Variants in AGAP1 observed in about 807,000 individuals in gnomAD.
AGAP1 encodes arf-GAP with GTPase, ANK repeat and PH domain-containing protein 1.
Under a neutral mutation model 105.3 loss-of-function variants are expected in AGAP1, and 29 were observed. The observed-to-expected ratio is 0.28, with a 90% CI of 0.21 to 0.38. The LOEUF is 0.38. Among genes scored for constraint, AGAP1 ranks in the 10% least tolerant of loss-of-function variants. AGAP1 has a pLI of 1.00. For missense variants in AGAP1, 998 were observed against 1,165.1 expected (o/e 0.86, Z 2.09); for synonymous variants, 509 against 485.9 (o/e 1.05, Z -0.63).
intron 1 of AGAP1, among the ~76,000 whole-genome samples, chr2:235,693,813 A>G (rs1949860895): frequency 6.6e-6 from 1 of 152,228 alleles, no homozygotes; most frequent in African/African-American, 2.4e-5. Context: ...AAAAATCAGA[A>G]ATAAACTTGA....
intron 9 of AGAP1, among the ~76,000 whole-genome samples, chr2:235,827,703 C>G (rs930809224): frequency 6.6e-6 from 1 of 152,198 alleles, no homozygotes; most frequent in Non-Finnish European, 1.5e-5. Flanking sequence ...TCGTCACCGG[C>G]ATTGAACTAC....
chr2:235,530,102 C>T (rs769050784), intron 1 of AGAP1, among the ~76,000 whole-genome samples: 7 of 152,134 alleles, frequency 4.6e-5, no homozygotes, highest in Non-Finnish European at 8.8e-5. Context: ...TGACAAGTCT[C>T]GTACCTCTGA....
Position 236,123,318 on chromosome 2 carries a change from T to G in AGAP1, c.2371-601T>G, listed in dbSNP as rs2059944009. Among the ~76,000 whole-genome samples, 1 of 152,224 alleles carries G rather than the reference T, an allele frequency of 6.6e-6. No homozygotes were observed. The highest frequency in any genetic ancestry group is 6.5e-5 in the Admixed American group (1 of 15,280). On this transcript the variant is annotated intron_variant, in intron 17 of 17. Transcript: ENST00000304032. This position sits in a 1 kb window ranked among gnomAD's most constrained non-coding sequence, Gnocchi z 4.6. ...CTAGTCTTGAACTCCTGGGCTGAAG[T>G]GAACCACCGCACCCAGCTTGTGTTG...
At chr2:235,853,520 A>G (rs1030700260) in intron 9 of AGAP1, among the ~76,000 whole-genome samples, 1 of 152,152 alleles carries the variant, frequency 6.6e-6, no homozygotes, top group East Asian at 1.9e-4. Flanking sequence ...TAATAGATAG[A>G]TTAAATGGAA....
intron 9 of AGAP1, among the ~76,000 whole-genome samples, chr2:235,858,082 A>C (rs1459936878): frequency 1.3e-5 from 2 of 152,236 alleles, no homozygotes; most frequent in Admixed American, 6.5e-5. Flanking sequence ...TAAAATCTCT[A>C]ACTTTGTATA....
At position 236,123,963 on chromosome 2, in the gene AGAP1, T is replaced by C. The variant is rs11895915; in HGVS notation, c.2415T>C (p.Ala805=). ...VTARDAHGNT[A]LAYARQASSQ... ...CCCGAGATGCCCACGGGAACACAGC[T>C]CTGGCCTACGCCCGGCAGGCCTCCA... The change falls in exon 18 of 18, where the codon GCT becomes GCC. Residue 805 remains alanine, a synonymous_variant. Coordinates refer to ENST00000304032, the MANE Select transcript of AGAP1 (RefSeq NM_001037131.3). This position sits in a 1 kb window ranked among gnomAD's most constrained non-coding sequence, Gnocchi z 4.6. The C allele has an allele frequency of 1.2e-6, 2 of 1,613,166 alleles. No homozygotes were observed. The highest frequency in any genetic ancestry group is 1.1e-5 in the South Asian group (1 of 91,062).
chr2:235,821,571 T>A (rs969256819), intron 9 of AGAP1, among the ~76,000 whole-genome samples: 3 of 152,160 alleles, frequency 2.0e-5, no homozygotes, highest in Non-Finnish European at 2.9e-5. Context: ...TAATTTTAGA[T>A]TTGAAAGAAA....
chr2:235,841,840 G>T (rs1027200808), intron 9 of AGAP1, among the ~76,000 whole-genome samples: 7 of 152,016 alleles, frequency 4.6e-5, no homozygotes, highest in African/African-American at 1.7e-4. Flanking sequence ...CTGCCTATAG[G>T]CTCATCCAGG....
rs2149566192 is a variant in AGAP1, at chr2:235,721,547, C to T, written c.310+3903C>T. Among the ~76,000 whole-genome samples the T allele has an allele frequency of 6.6e-6, 1 of 152,108 alleles. No homozygotes were observed. Among genetic ancestry groups the T allele is most frequent in the East Asian group, 1.9e-4 (1 of 5,160 alleles). Reference sequence around the variant, plus strand: ...ATATGTATGTGTACTTCAGTCCTAGCACTGTAGTAACGAACTGCCACACAC... The same window carrying T: ...ATATGTATGTGTACTTCAGTCCTAGTACTGTAGTAACGAACTGCCACACAC... On this transcript the variant is annotated intron_variant, in intron 3 of 17. Coordinates refer to ENST00000304032, the MANE Select transcript of AGAP1 (RefSeq NM_001037131.3). The surrounding 1 kb of genome is among the most constrained non-coding windows in gnomAD (Gnocchi z 4.5).
At chr2:235,885,342 C>T (rs1039625647) in intron 10 of AGAP1, among the ~76,000 whole-genome samples, 7 of 152,106 alleles carry the variant, frequency 4.6e-5, no homozygotes, top group Non-Finnish European at 7.3e-5. Context: ...TCATTGATCC[C>T]ACGGTATCTG....
At chr2:236,049,015 A>C (rs372209507) in intron 15 of AGAP1, 44 bp from the exon 16 acceptor site, 1 of 1,549,824 alleles carries the variant, frequency 6.5e-7, no homozygotes. Context: ...GGAATGATGC[A>C]TGATGGTCTG....
chr2:235,645,271 TTAACTC>T (rs1463899236), intron 1 of AGAP1, among the ~76,000 whole-genome samples: 3 of 152,190 alleles, frequency 2.0e-5, no homozygotes, highest in Non-Finnish European at 4.4e-5. Context: ...TGAAAACTAA[TTAACTC>T]TACATAAAAC....
chr2:236,031,241 C>T (rs1255967766), intron 13 of AGAP1, among the ~76,000 whole-genome samples: 2 of 152,110 alleles, frequency 1.3e-5, no homozygotes, highest in African/African-American at 4.8e-5. Context: ...GAAGGAGGAA[C>T]ATTAACTAAA....
chr2:235,973,692 G>T lies in AGAP1; in HGVS notation c.1645+5069G>T, dbSNP rs2054745773. Among the ~76,000 whole-genome samples, 1 of 152,198 alleles carries T rather than the reference G, an allele frequency of 6.6e-6. No homozygotes were observed. The highest frequency in any genetic ancestry group is 1.5e-5 in the Non-Finnish European group (1 of 68,024). ...TAACCATGGGACCTGATGGGTGGAA[G>T]CCTCAAGGAGGTGGATTTTGATTCT... On this transcript the variant is annotated intron_variant, in intron 13 of 17. Coordinates refer to ENST00000304032, the MANE Select transcript of AGAP1 (RefSeq NM_001037131.3). This position sits in a 1 kb window ranked among gnomAD's most constrained non-coding sequence, Gnocchi z 4.7.
At chr2:235,853,461 G>C (rs557109180) in intron 9 of AGAP1, among the ~76,000 whole-genome samples, 5 of 152,234 alleles carry the variant, frequency 3.3e-5, no homozygotes, top group Non-Finnish European at 7.3e-5. Flanking sequence ...GGATGCGGCA[G>C]ATAGGAAGAT....
chr2:235,632,121 T>C (rs1946847782), intron 1 of AGAP1, among the ~76,000 whole-genome samples: 1 of 152,216 alleles, frequency 6.6e-6, no homozygotes, highest in South Asian at 2.1e-4. Context: ...CAGACATATG[T>C]GGCCAAGTGA....
intron 12 of AGAP1, among the ~76,000 whole-genome samples, chr2:235,941,237 T>TCGGATCATCTTAGC (rs537529248): frequency 3.5e-4 from 54 of 152,342 alleles, no homozygotes; most frequent in Non-Finnish European, 6.3e-4. Flanking sequence ...TTTTCCTCCC[T>TCGGATCATCTTAGC]CGGATCATCT....
intron 9 of AGAP1, among the ~76,000 whole-genome samples, chr2:235,848,069 G>C (rs1488454672): frequency 6.6e-6 from 1 of 152,140 alleles, no homozygotes; most frequent in East Asian, 1.9e-4. Flanking sequence ...TTGGTTTCTG[G>C]GTGCCCTAGA....
At chr2:235,629,314 G>GTGTA (rs1553589311) in intron 1 of AGAP1, among the ~76,000 whole-genome samples, 5 of 103,866 alleles carry the variant, frequency 4.8e-5, no homozygotes, top group African/African-American at 1.7e-4. Flanking sequence ...GTGTGTGTGT[G>GTGTA]TGTGTATGTG....
Sources: gnomAD v4.1 joint callset for allele counts (sites outside exome capture counted in the v4.1 genomes callset) on GRCh38, gnomAD v4.1.1 for gene constraint, Gnocchi (gnomAD v3.1) non-coding constraint, MANE v1.5 for transcripts, NCBI Gene and HGNC (gene_info 2026-07-23, HGNC 2026-07-21) for gene names.